C4BPB: variants seen among roughly 807,000 people sequenced by gnomAD.
C4BPB encodes the protein complement component 4 binding protein beta.
Under a neutral mutation model 26.6 loss-of-function variants are expected in C4BPB, and 19 were observed. The observed-to-expected ratio is 0.71, with a 90% CI of 0.50 to 1.05. The LOEUF (loss-of-function observed/expected upper bound fraction) is 1.05. C4BPB is among the 50% of genes least tolerant of loss of function. The probability of loss-of-function intolerance (pLI) is 0.00; values close to 1 mark genes in which losing one functional copy is unlikely to be tolerated. For missense variants in C4BPB, 282 were observed against 302.9 expected (o/e 0.93, Z 0.51); for synonymous variants, 118 against 103.5 (o/e 1.14, Z -0.85).
In C4BPB at chr1:207,091,690, T is replaced by C; in HGVS notation, c.279T>C (p.Ser93=). 1 of 1,614,100 alleles carries C rather than the reference T, an allele frequency of 6.2e-7. No homozygotes were observed. The highest frequency in any genetic ancestry group is 1.3e-5 in the African/African-American group (1 of 75,040). The change falls in exon 4 of 7, where the codon TCT becomes TCC. Residue 93 remains serine (S), a synonymous_variant. Transcript: ENST00000367078. ...TGCTGGTGAATGGAGAGTTCAGTTCTTCAGGGCCTGTGAATGTAAGTGACA... is the reference window on the plus strand; with the variant it reads ...TGCTGGTGAATGGAGAGTTCAGTTCCTCAGGGCCTGTGAATGTAAGTGACA... ...DPVLVNGEFS[S]SGPVNVSDKI...
At chr1:207,093,552 C>G (rs1205415919) in intron 4 of C4BPB, among the ~76,000 whole-genome samples, 1 of 152,128 alleles carries the variant, frequency 6.6e-6, no homozygotes, top group Admixed American at 6.5e-5. Context: ...GAATAATTAT[C>G]TATTTGGAAG....
intron 4 of C4BPB, 87 bp downstream of exon 4, chr1:207,091,907 T>G: frequency 8.6e-7 from 1 of 1,161,092 alleles, no homozygotes; most frequent in Non-Finnish European, 1.2e-6. Context: ...GGGATGCTTT[T>G]CTCTTTTTTT....
intron 3 of C4BPB, 115 bp downstream of exon 3, chr1:207,090,596 C>T: frequency 1.1e-6 from 1 of 899,330 alleles, no homozygotes; most frequent in Non-Finnish European, 1.6e-6. Flanking sequence ...TTCTCAATTT[C>T]TAGGAGACCT....
intron 6 of C4BPB, among the ~76,000 whole-genome samples, chr1:207,098,682 T>C (rs1185760239): frequency 6.6e-6 from 1 of 152,220 alleles, no homozygotes; most frequent in African/African-American, 2.4e-5. Flanking sequence ...TACATTGTAA[T>C]ATATAATAAA....
chr1:207,089,490 G>T lies in C4BPB; in HGVS notation c.-42G>T. 1.3e-6 allele frequency: 2 copies of T among 1,593,972 alleles called. No individual in the cohort carries two copies. The highest frequency in any genetic ancestry group is 1.1e-5 in the South Asian group (1 of 90,646). On this transcript the variant is annotated 5_prime_UTR_variant, in exon 2 of 7. Transcript: ENST00000367078. ...ATTTTTTTTCAAACCAGGTGTCTGAGCTGGGTGAATTCCAGCCTGGGGAGA... is the reference window on the plus strand; with the variant it reads ...ATTTTTTTTCAAACCAGGTGTCTGATCTGGGTGAATTCCAGCCTGGGGAGA...
rs748127383 is a variant in C4BPB at position 207,099,952 on chromosome 1, T to G, written c.*23T>G. 6.3e-6 allele frequency: 10 copies of G among 1,590,826 alleles called. No individual in the cohort carries two copies. Among genetic ancestry groups the G allele is most frequent in the Non-Finnish European group, 7.7e-6 (9 of 1,171,204 alleles). On this transcript the variant is annotated 3_prime_UTR_variant, in exon 7 of 7. Coordinates refer to ENST00000367078, the MANE Select transcript of C4BPB (RefSeq NM_001017365.3). ...TAACACTACAGCTGAGCAGATGTAATAGAAATAAACCTATGAATAAATTTT... is the reference window on the plus strand; with the variant it reads ...TAACACTACAGCTGAGCAGATGTAAGAGAAATAAACCTATGAATAAATTTT...
chr1:207,099,392 G>A (rs905834705), intron 6 of C4BPB, among the ~76,000 whole-genome samples: 24 of 152,218 alleles, frequency 1.6e-4, no homozygotes, highest in African/African-American at 5.3e-4. Context: ...ACTTTCTGCT[G>A]TGTGGCCCAG....
At chr1:207,096,860 C>T (rs1684273649) in intron 5 of C4BPB, among the ~76,000 whole-genome samples, 1 of 152,148 alleles carries the variant, frequency 6.6e-6, no homozygotes, top group Non-Finnish European at 1.5e-5. Flanking sequence ...TCCGCCAAGA[C>T]AAGATAAATT....
At position 207,089,500 on chromosome 1, in the gene C4BPB, T is replaced by C. The variant is rs1683935647; in HGVS notation, c.-32T>C. ...AAACCAGGTGTCTGAGCTGGGTGAA[T>C]TCCAGCCTGGGGAGAGGACTTTGAT... On this transcript the variant is annotated 5_prime_UTR_variant, in exon 2 of 7. Coordinates refer to ENST00000367078, the MANE Select transcript of C4BPB (RefSeq NM_001017365.3). The C allele has an allele frequency of 2.5e-6, 4 of 1,610,294 alleles. No homozygotes were observed. Among genetic ancestry groups the C allele is most frequent in the Non-Finnish European group, 3.4e-6 (4 of 1,176,526 alleles).
rs1683978005 is a variant in C4BPB, at chr1:207,090,352, G to C, written c.103G>C (p.Val35Leu). The C allele has an allele frequency of 6.2e-7, 1 of 1,613,714 alleles. No individual in the cohort carries two copies. The highest frequency in any genetic ancestry group is 1.3e-5 in the African/African-American group (1 of 74,884). ...ELPPVDNSIF[V>L]AKEVEGQILG... ...TCCTCCAGTGGACAATAGCATATTTGTCGCAAAGGAGGTGGAAGGACAGAT... is the reference window on the plus strand; with the variant it reads ...TCCTCCAGTGGACAATAGCATATTTCTCGCAAAGGAGGTGGAAGGACAGAT... Residue 35 changes from valine to leucine, a missense_variant, in exon 3 of 7, where the codon GTC becomes CTC. By Grantham distance (32) the Val-to-Leu change is conservative (BLOSUM62 1). Transcript: ENST00000367078.
rs867609036 is a variant in C4BPB at position 207,096,567 on chromosome 1, G to C, written c.455G>C (p.Gly152Ala). 6.2e-7 allele frequency: 1 copy of C among 1,610,234 alleles called. No individual in the cohort carries two copies. ...AATCCAGTTCATGGCTATTTTGAAGGAAATAACTTCACCTTAGGATCCACC... is the reference window on the plus strand; with the variant it reads ...AATCCAGTTCATGGCTATTTTGAAGCAAATAACTTCACCTTAGGATCCACC... ...PGNPVHGYFEGNNFTLGSTIS... is the reference protein window; with the variant it reads ...PGNPVHGYFEANNFTLGSTIS... The change falls in exon 5 of 7, where the codon GGA becomes GCA. Residue 152 changes from glycine to alanine, a missense_variant. Physicochemically the swap from Gly to Ala is moderately conservative, Grantham distance 60. Transcript: ENST00000367078.
chr1:207,096,476 C>A, intron 4 of C4BPB, 46 bp from the exon 5 acceptor site: 1 of 1,135,990 alleles, frequency 8.8e-7, no homozygotes, highest in Non-Finnish European at 1.3e-6. Context: ...GTTCATTGAG[C>A]GTGCCTGGCC....
At chr1:207,099,706 C>CGTT in intron 6 of C4BPB, 83 bp from the exon 7 acceptor site, 1 of 1,184,234 alleles carries the variant, frequency 8.4e-7, no homozygotes, top group South Asian at 1.9e-5. Context: ...ATTCAGAGAG[C>CGTT]TAACTGCTGC....
In C4BPB at chr1:207,099,908, G is replaced by A. The variant is rs1220031221; in HGVS notation, c.738G>A (p.Glu246=). The A allele has an allele frequency of 1.2e-6, 2 of 1,612,918 alleles. No homozygotes were observed. Among genetic ancestry groups the A allele is most frequent in the African/African-American group, 1.3e-5 (1 of 74,866 alleles). Residue 246 remains glutamate (E), a synonymous_variant, in exon 7 of 7, where the codon GAG becomes GAA. Coordinates refer to ENST00000367078, the MANE Select transcript of C4BPB (RefSeq NM_001017365.3). ...LKYSLELKKA[E]LKAKLL is the part of the protein sequence containing the mutation. ...ATTCTCTGGAGCTGAAGAAAGCTGA[G>A]TTGAAGGCAAAATTGTTGTAACACT...
chr1:207,091,764 G>A lies in C4BPB; in HGVS notation c.353G>A (p.Arg118Gln), dbSNP rs769703116. Reference sequence around the variant, plus strand: ...CACTACATCCTCAAGGGCAGCAATCGGAGCCAGTGTCTAGAGGACCACACC... The same window carrying A: ...CACTACATCCTCAAGGGCAGCAATCAGAGCCAGTGTCTAGAGGACCACACC... ...NDHYILKGSNRSQCLEDHTWA... is the reference protein window; with the variant it reads ...NDHYILKGSNQSQCLEDHTWA... The change falls in exon 4 of 7, where the codon CGG becomes CAG. Residue 118 changes from arginine to glutamine, a missense_variant. Transcript: ENST00000367078. 3.9e-5 allele frequency: 63 copies of A among 1,614,070 alleles called. No homozygotes were observed. The highest frequency in any genetic ancestry group is 1.5e-4 in the African/African-American group (11 of 75,008).
Position 207,089,593 on chromosome 1 carries a change from C to A in C4BPB, c.58+4C>A. 1 of 1,613,578 alleles carries A rather than the reference C, an allele frequency of 6.2e-7. No individual in the cohort carries two copies. Among genetic ancestry groups the A allele is most frequent in the Non-Finnish European group, 8.5e-7 (1 of 1,179,604 alleles). On this transcript the variant is annotated splice_donor_region_variant and intron_variant, in intron 2 of 6. Transcript: ENST00000367078. ...TGGCGAGTTTCTGCTTCAGATGGTACGTATGCTTTCCTTCAACTCAGCTTA... is the reference window on the plus strand; with the variant it reads ...TGGCGAGTTTCTGCTTCAGATGGTAAGTATGCTTTCCTTCAACTCAGCTTA...
At chr1:207,089,082 C>G (rs1683919056) in intron 1 of C4BPB, 136 bp downstream of exon 1, 2 of 162,186 alleles carry the variant, frequency 1.2e-5, no homozygotes, top group South Asian at 3.5e-4. Flanking sequence ...GATTGACAGC[C>G]CGTTCTCTTT....
chr1:207,091,554 G>A, intron 3 of C4BPB, 90 bp from the exon 4 acceptor site: 3 of 1,030,374 alleles, frequency 2.9e-6, no homozygotes, highest in East Asian at 2.4e-5. Context: ...CTAATTTGCT[G>A]TTTTCTCACT....
intron 4 of C4BPB, among the ~76,000 whole-genome samples, chr1:207,092,922 G>A (rs1684095712): frequency 3.9e-5 from 6 of 152,020 alleles, no homozygotes; most frequent in Admixed American, 3.9e-4. Flanking sequence ...ACCGCACCAG[G>A]CTACTACATT....
Sources: gnomAD v4.1 joint callset for allele counts (sites outside exome capture counted in the v4.1 genomes callset) on GRCh38, gnomAD v4.1.1 for gene constraint, MANE v1.5 for transcripts, NCBI Gene and HGNC (gene_info 2026-07-23, HGNC 2026-07-21) for gene names.